Variants in TMTC2 observed in about 807,000 individuals in gnomAD.
The protein encoded by TMTC2 is protein O-mannosyl-transferase TMTC2.
TMTC2 carries 43 observed loss-of-function variants against 82.4 expected under a neutral mutation model. The ratio of observed to expected loss-of-function variants is 0.52; its 90% confidence interval spans 0.41 to 0.67. The LOEUF is 0.67. Ranked by LOEUF, TMTC2 falls within the 30% of genes least tolerant of loss-of-function variation. The pLI is 0.00. For missense variants in TMTC2, 919 were observed against 1,012.4 expected (o/e 0.91, Z 1.25); for synonymous variants, 408 against 381.9 (o/e 1.07, Z -0.80).
intron 2 of TMTC2, among the ~76,000 whole-genome samples, chr12:82,859,508 G>C (rs562652065): frequency 6.6e-6 from 1 of 152,322 alleles, no homozygotes; most frequent in South Asian, 2.1e-4. Context: ...CAAGGGCAGA[G>C]TTGCCCACTG....
chr12:83,050,785 A>G (rs990878306), intron 9 of TMTC2, 119 bp from the exon 10 acceptor site: 1 of 568,590 alleles, frequency 1.8e-6, no homozygotes, highest in African/African-American at 1.9e-5. Context: ...AATAATGAGT[A>G]TGTTATTAAA....
At chr12:83,001,635 C>CAAAAAAAAAAAAAA (rs34467744) in intron 8 of TMTC2, among the ~76,000 whole-genome samples, 1 of 93,146 alleles carries the variant, frequency 1.1e-5, no homozygotes, top group Non-Finnish European at 2.2e-5. Context: ...AACTCTGTCT[C>CAAAAAAAAAAAAAA]AAAAAAAAAA....
At chr12:82,711,820 T>A (rs566720588) in intron 1 of TMTC2, among the ~76,000 whole-genome samples, 1 of 152,270 alleles carries the variant, frequency 6.6e-6, no homozygotes, top group African/African-American at 2.4e-5. Context: ...CATTTCAGAA[T>A]CAGAAGAATG....
At chr12:82,922,000 G>A (rs188144668) in intron 3 of TMTC2, among the ~76,000 whole-genome samples, 69 of 151,398 alleles carry the variant, frequency 4.6e-4, no homozygotes, top group African/African-American at 1.6e-3. Flanking sequence ...TCAGCTACTC[G>A]GGAGGCTGAG....
At chr12:82,925,350 A>G (rs898762246) in intron 3 of TMTC2, among the ~76,000 whole-genome samples, 3 of 152,212 alleles carry the variant, frequency 2.0e-5, no homozygotes, top group Admixed American at 2.0e-4. Context: ...AGTTCCTGGC[A>G]CAATAGGTGC....
chr12:83,058,892 G>C (rs1440371154), intron 10 of TMTC2, among the ~76,000 whole-genome samples: 1 of 151,796 alleles, frequency 6.6e-6, no homozygotes, highest in African/African-American at 2.4e-5. Flanking sequence ...GATATTTCAG[G>C]AAGTAAGAAA....
intron 11 of TMTC2, among the ~76,000 whole-genome samples, chr12:83,131,530 A>T (rs1565899351): frequency 6.6e-6 from 1 of 152,092 alleles, no homozygotes; most frequent in Non-Finnish European, 1.5e-5. Context: ...GAAAGGTTTC[A>T]TTTTTCTCTG....
At chr12:82,873,213 TTGTG>T (rs35177760) in intron 2 of TMTC2, among the ~76,000 whole-genome samples, 2,727 of 143,306 alleles carry the variant, frequency 0.019, 41 homozygotes, top group East Asian at 0.055. Flanking sequence ...TTCAAAGATG[TTGTG>T]TGTGTGTGTG....
At chr12:83,050,230 A>G (rs1846728446) in intron 9 of TMTC2, among the ~76,000 whole-genome samples, 1 of 152,184 alleles carries the variant, frequency 6.6e-6, no homozygotes, top group South Asian at 2.1e-4. Context: ...CTCAATTAAA[A>G]AAGTGGCCTA....
intron 8 of TMTC2, among the ~76,000 whole-genome samples, chr12:83,009,652 C>T (rs1880365262): frequency 6.6e-6 from 1 of 152,058 alleles, no homozygotes; most frequent in Non-Finnish European, 1.5e-5. Context: ...CCCAAAAAAA[C>T]ACTGCGAGAA....
chr12:82,947,382 G>C (rs1425890640), intron 4 of TMTC2, among the ~76,000 whole-genome samples: 1 of 139,152 alleles, frequency 7.2e-6, no homozygotes, highest in Non-Finnish European at 1.5e-5. Context: ...CGCTCTTGTC[G>C]CCCAGGCTGG....
chr12:82,795,425 G>A (rs911553116), intron 1 of TMTC2, among the ~76,000 whole-genome samples: 2 of 151,930 alleles, frequency 1.3e-5, no homozygotes, highest in Admixed American at 6.6e-5. Context: ...TCATGGTCCT[G>A]TATTTAACCT....
intron 11 of TMTC2, among the ~76,000 whole-genome samples, chr12:83,094,841 A>G (rs1247055747): frequency 1.3e-5 from 2 of 152,166 alleles, no homozygotes; most frequent in African/African-American, 2.4e-5. Context: ...AACATATCTG[A>G]TGGGAAAGAA....
chr12:83,051,414 T>G (rs1291050007), intron 10 of TMTC2, among the ~76,000 whole-genome samples: 1 of 152,146 alleles, frequency 6.6e-6, no homozygotes, highest in Non-Finnish European at 1.5e-5. Flanking sequence ...ACTCCCCTGG[T>G]CTATGTGCAC....
chr12:82,802,969 A>C (rs1182972377), intron 1 of TMTC2, among the ~76,000 whole-genome samples: 2 of 152,168 alleles, frequency 1.3e-5, no homozygotes, highest in Non-Finnish European at 2.9e-5. Flanking sequence ...GAAAGTCGGA[A>C]TGTAGAGAGA....
chr12:82,690,250 G>A (rs1018703785), intron 1 of TMTC2: 4 of 393,538 alleles, frequency 1.0e-5, no homozygotes, highest in African/African-American at 6.5e-5. Context: ...CATTTCAGAT[G>A]CAAAGATTCA....
At chr12:82,695,960 T>C (rs61485473) in intron 1 of TMTC2, among the ~76,000 whole-genome samples, 24,239 of 152,212 alleles carry the variant, frequency 0.16, 2,192 homozygotes, top group East Asian at 0.36. Context: ...ACTAGGCCTG[T>C]TGCCTTCAGT....
intron 8 of TMTC2, among the ~76,000 whole-genome samples, chr12:83,029,378 C>G (rs1881326809): frequency 6.6e-6 from 1 of 152,012 alleles, no homozygotes; most frequent in Admixed American, 6.6e-5. Context: ...TTATGTCTGG[C>G]CCAAGACAAT....
At chr12:82,950,035 A>C (rs1877263947) in intron 4 of TMTC2, among the ~76,000 whole-genome samples, 1 of 152,206 alleles carries the variant, frequency 6.6e-6, no homozygotes, top group Non-Finnish European at 1.5e-5. Context: ...GAGATAATTA[A>C]GAAGCAGTGT....
Sources: allele counts gnomAD v4.1 joint callset (sites outside exome capture counted in the v4.1 genomes callset), GRCh38; gene constraint gnomAD v4.1.1; transcripts MANE v1.5; gene names NCBI Gene and HGNC (gene_info 2026-07-23, HGNC 2026-07-21).